Variants in MAP4 observed in about 807,000 individuals in gnomAD.
MAP4 encodes microtubule-associated protein 4.
In MAP4, 76 loss-of-function variants were observed where a neutral mutation model predicts 170.2. That is an observed-to-expected ratio of 0.45 (90% CI 0.37 to 0.54). The LOEUF (loss-of-function observed/expected upper bound fraction) is 0.54. MAP4 is among the 20% of genes least tolerant of loss of function. The pLI is 0.00. For synonymous variants in MAP4, 909 were observed against 994.5 expected (o/e 0.91, Z 1.62); for missense variants, 2,506 against 2,748.0 (o/e 0.91, Z 1.97).
intron 8 of MAP4, among the ~76,000 whole-genome samples, chr3:47,913,598 C>A (rs894653655): frequency 3.3e-5 from 5 of 151,972 alleles, no homozygotes; most frequent in African/African-American, 1.2e-4. Context: ...GGGGCAAGGA[C>A]GGGGACTTAA....
chr3:48,011,353 A>C (rs2154432790), intron 1 of MAP4, among the ~76,000 whole-genome samples: 1 of 152,046 alleles, frequency 6.6e-6, no homozygotes, highest in Middle Eastern at 3.4e-3. Flanking sequence ...ACACAGTAAA[A>C]CCCTATCTCT....
intron 3 of MAP4, among the ~76,000 whole-genome samples, chr3:47,976,575 T>C (rs945214145): frequency 1.3e-5 from 2 of 152,224 alleles, no homozygotes; most frequent in African/African-American, 4.8e-5. Flanking sequence ...ACAGGGATAT[T>C]TGCATAAATG....
At chr3:48,055,852 C>A (rs1579627064) in intron 1 of MAP4, among the ~76,000 whole-genome samples, 2 of 133,838 alleles carry the variant, frequency 1.5e-5, no homozygotes, top group Non-Finnish European at 3.3e-5. Flanking sequence ...GCCTCTGCCC[C>A]GCCGCCCCAT....
intron 1 of MAP4, among the ~76,000 whole-genome samples, chr3:48,071,245 A>G (rs1241078207): frequency 1.3e-5 from 2 of 152,126 alleles, no homozygotes; most frequent in African/African-American, 4.8e-5. Flanking sequence ...GAGTTTACTC[A>G]AGAAGAAATC....
At chr3:48,013,954 T>C (rs991536314) in intron 1 of MAP4, among the ~76,000 whole-genome samples, 1 of 152,170 alleles carries the variant, frequency 6.6e-6, no homozygotes, top group Non-Finnish European at 1.5e-5. Flanking sequence ...TCTGATGACA[T>C]GCCTGAAGTG....
At chr3:47,939,940 C>A (rs2100055272) in intron 3 of MAP4, among the ~76,000 whole-genome samples, 1 of 152,126 alleles carries the variant, frequency 6.6e-6, no homozygotes, top group East Asian at 1.9e-4. Context: ...CAGGTTCAAG[C>A]AATTCTCCTG....
chr3:47,888,564 C>T (rs548227060), intron 10 of MAP4, among the ~76,000 whole-genome samples: 3 of 152,130 alleles, frequency 2.0e-5, no homozygotes, highest in East Asian at 3.9e-4. Context: ...GAAGAAACTC[C>T]GAACACATCT....
chr3:47,916,087 T>C lies in MAP4; in HGVS notation c.1740A>G (p.Ser580=). 1.2e-6 allele frequency: 2 copies of C among 1,614,240 alleles called. No individual in the cohort carries two copies. Among genetic ancestry groups the C allele is most frequent in the Non-Finnish European group, 1.7e-6 (2 of 1,180,030 alleles). Residue 580 remains serine (S), a synonymous_variant, in exon 7 of 21, where the codon TCA becomes TCG. Transcript: ENST00000683076. ...VTPAKDVPPL[S]ETEATPVPIK... is the part of the protein sequence containing the mutation. Reference sequence around the variant, plus strand: ...TTGGAACTGGTGTTGCCTCTGTTTCTGAGAGTGGTGGAACATCTTTGGCTG... The same window carrying C: ...TTGGAACTGGTGTTGCCTCTGTTTCCGAGAGTGGTGGAACATCTTTGGCTG...
Position 47,877,540 on chromosome 3 carries a change from A to T in MAP4, c.5435-17T>A, listed in dbSNP as rs765505644. 39 of 1,556,112 alleles carry T rather than the reference A, an allele frequency of 2.5e-5. No individual in the cohort carries two copies. Among genetic ancestry groups the T allele is most frequent in the Non-Finnish European group, 3.3e-5 (37 of 1,131,644 alleles). ...TGGCTATTCCTAAGGGGAGAGGGTG[A>T]GTGGGAATTATGCTAAGCAAACATT... On this transcript the variant is annotated splice_polypyrimidine_tract_variant and intron_variant, in intron 10 of 20. Coordinates refer to ENST00000683076, the MANE Select transcript of MAP4 (RefSeq NM_001385682.1).
chr3:47,863,533 G>A (rs1227075941), intron 17 of MAP4, among the ~76,000 whole-genome samples: 2 of 151,964 alleles, frequency 1.3e-5, no homozygotes, highest in African/African-American at 2.4e-5. Context: ...GTGGTCCTAG[G>A]AGCAATCACG....
chr3:47,938,996 A>G (rs1310925143), intron 3 of MAP4, among the ~76,000 whole-genome samples: 1 of 152,030 alleles, frequency 6.6e-6, no homozygotes, highest in Non-Finnish European at 1.5e-5. Flanking sequence ...GTTCCCTACT[A>G]CTCCAACAGG....
intron 1 of MAP4, among the ~76,000 whole-genome samples, chr3:48,077,175 GCTCA>G (rs754937483): frequency 1.8e-4 from 28 of 152,244 alleles, no homozygotes; most frequent in Admixed American, 1.4e-3. Context: ...AGGCACGGTG[GCTCA>G]CGCCTGTAAT....
At chr3:48,055,619 C>G (rs1168325561) in intron 1 of MAP4, among the ~76,000 whole-genome samples, 1 of 126,190 alleles carries the variant, frequency 7.9e-6, no homozygotes, top group South Asian at 3.2e-4. Flanking sequence ...CTCTGCCCGG[C>G]CGCCACCCCG....
chr3:47,889,291 T>C (rs1447812196), intron 10 of MAP4, among the ~76,000 whole-genome samples: 1 of 152,252 alleles, frequency 6.6e-6, no homozygotes, highest in Non-Finnish European at 1.5e-5. Flanking sequence ...AGGCTTCATA[T>C]CTTTGTTTAA....
intron 9 of MAP4, among the ~76,000 whole-genome samples, chr3:47,908,201 T>C (rs1297601149): frequency 6.6e-6 from 1 of 152,004 alleles, no homozygotes; most frequent in African/African-American, 2.4e-5. Context: ...AATGTATACT[T>C]TTTTGGGGAA....
intron 3 of MAP4, among the ~76,000 whole-genome samples, chr3:47,976,237 C>A (rs1254801740): frequency 1.3e-5 from 2 of 152,162 alleles, no homozygotes. Flanking sequence ...GAGCCAGGTT[C>A]TTTTTTGTCA....
intron 1 of MAP4, among the ~76,000 whole-genome samples, chr3:48,064,613 C>T (rs1217760903): frequency 6.6e-6 from 1 of 152,146 alleles, no homozygotes; most frequent in African/African-American, 2.4e-5. Flanking sequence ...GGCAAGGTGA[C>T]CCCGTTGGGT....
chr3:47,948,777 T>C (rs984147051), intron 3 of MAP4, among the ~76,000 whole-genome samples: 2 of 151,956 alleles, frequency 1.3e-5, no homozygotes, highest in African/African-American at 4.8e-5. Context: ...CCCGCCACCA[T>C]ACCCAACTAA....
rs1235799186 is a variant in MAP4 at position 47,850,819 on chromosome 3, A to G, written c.*2115T>C. 6.6e-6 allele frequency: 1 copy of G among 152,456 alleles called. No homozygotes were observed. The highest frequency in any genetic ancestry group is 1.9e-4 in the East Asian group (1 of 5,194). 9.4% of individuals were successfully genotyped at this position (152,456 alleles called of 1,614,324 possible). Reference sequence around the variant, plus strand: ...AGTACAGAAATGTCCCACCCCAAACAGCTGCGGAGTACACATCACACAGGG... The same window carrying G: ...AGTACAGAAATGTCCCACCCCAAACGGCTGCGGAGTACACATCACACAGGG... On this transcript the variant is annotated 3_prime_UTR_variant, in exon 21 of 21. Transcript: ENST00000683076.
Sources: gnomAD v4.1 joint callset for allele counts (sites outside exome capture counted in the v4.1 genomes callset) on GRCh38, gnomAD v4.1.1 for gene constraint, MANE v1.5 for transcripts, NCBI Gene and HGNC (gene_info 2026-07-23, HGNC 2026-07-21) for gene names.